Variants in GRIK4 observed in about 807,000 individuals in gnomAD.
The protein encoded by GRIK4 is glutamate ionotropic receptor kainate type subunit 4, also known as glutamate receptor ionotropic, kainate 4.
Under a neutral mutation model 104.9 loss-of-function variants are expected in GRIK4, and 40 were observed. The ratio of observed to expected loss-of-function variants is 0.38; its 90% confidence interval spans 0.30 to 0.50. The LOEUF (loss-of-function observed/expected upper bound fraction) is 0.50, where lower values mean the gene tolerates loss of function less well. GRIK4 is among the 20% of genes least tolerant of loss of function. The pLI is 0.93. For synonymous variants in GRIK4, 485 were observed against 524.9 expected, an observed-to-expected ratio of 0.92 and a Z score of 1.04; for missense variants, 1,047 against 1,308.1, an observed-to-expected ratio of 0.80 and a Z score of 3.08.
In GRIK4 at chr11:120,893,596, C is replaced by A. The variant is rs145277868; in HGVS notation, c.1165-4936C>A. 2.7e-3 allele frequency among the ~76,000 whole-genome samples: 406 copies of A among 152,328 alleles called. 1 individual carries two copies. The highest frequency in any genetic ancestry group is 0.013 in the South Asian group (62 of 4,828). On this transcript the variant is annotated intron_variant, in intron 11 of 20. Transcript: ENST00000527524. The stretch of plus-strand genomic sequence containing the variant: ...GATTAGTATGCATCACCTTCTAATG[C>A]CCAGCACAGAGCCCCTGTGAGTATG...
In GRIK4 at chr11:120,864,205, TTTTATTTATTTA is replaced by T. The variant is rs140150638; in HGVS notation, c.906+2125_906+2136del. On this transcript the variant is annotated intron_variant, in intron 9 of 20. Transcript: ENST00000527524. ...ACAGTTCTCATTCCAGTATTTTTATTTTTATTTATTTATTTATTTATTTATTTATTTATTTAT... is the reference window on the plus strand; with the variant it reads ...ACAGTTCTCATTCCAGTATTTTTATTTTTATTTATTTATTTATTTATTTAT... Among the ~76,000 whole-genome samples the T allele has an allele frequency of 6.0e-3, 833 of 137,770 alleles. 5 individuals carry two copies. The highest frequency in any genetic ancestry group is 0.029 in the South Asian group (118 of 4,054). The allele number at this position is 137,770 out of a possible 152,430, so 90.4% of individuals were successfully genotyped here. A position where few individuals can be genotyped will look rare whatever the true frequency, so the allele number is the denominator to read the frequency against.
chr11:120,857,964 C>T (rs945458939), intron 8 of GRIK4, among the ~76,000 whole-genome samples: 1 of 152,226 alleles, frequency 6.6e-6, no homozygotes, highest in African/African-American at 2.4e-5. Context: ...GTCTCTGCCC[C>T]ACCACTTGGC....
chr11:120,849,003 G>A (rs575227243), intron 8 of GRIK4, among the ~76,000 whole-genome samples: 5 of 152,236 alleles, frequency 3.3e-5, no homozygotes, highest in South Asian at 2.1e-4. Flanking sequence ...TCTTTGCTTC[G>A]GAGGAACCAA....
chr11:120,745,328 A>C (rs552837583), intron 3 of GRIK4, among the ~76,000 whole-genome samples: 2 of 152,132 alleles, frequency 1.3e-5, no homozygotes, highest in Non-Finnish European at 2.9e-5. Flanking sequence ...TAAATCTATA[A>C]ATTTTTTTTT....
chr11:120,915,066 A>T (rs556477318), intron 13 of GRIK4, among the ~76,000 whole-genome samples: 141 of 152,184 alleles, frequency 9.3e-4, no homozygotes, highest in African/African-American at 3.2e-3. Flanking sequence ...TTCTCAGGGG[A>T]GAAGGGATTG....
chr11:120,873,010 G>A (rs79011407), intron 9 of GRIK4: 5,599 of 152,562 alleles, frequency 0.037, 279 homozygotes, highest in African/African-American at 0.12. Context: ...CCACACGACA[G>A]GCCCCATGAC....
chr11:120,586,956 C>T (rs1948673665), intron 1 of GRIK4, among the ~76,000 whole-genome samples: 1 of 152,186 alleles, frequency 6.6e-6, no homozygotes, highest in East Asian at 1.9e-4. Flanking sequence ...TAATCAGACC[C>T]TGTCAGGAAT....
chr11:120,511,770 G>A lies in GRIK4; in HGVS notation c.-276G>A. On this transcript the variant is annotated 5_prime_UTR_variant, in exon 1 of 21. Transcript: ENST00000527524. Reference sequence around the variant, plus strand: ...CACAGACTGCCTTCAGCTGCGGGCGGATCGGGCTGGAGCCGCCACGGCTGC... The same window carrying A: ...CACAGACTGCCTTCAGCTGCGGGCGAATCGGGCTGGAGCCGCCACGGCTGC... 5.8e-6 allele frequency: 2 copies of A among 342,794 alleles called. No homozygotes were observed. The highest frequency in any genetic ancestry group is 4.0e-5 in the South Asian group (2 of 50,264). 21.2% of individuals were successfully genotyped at this position (342,794 alleles called of 1,614,324 possible).
At chr11:120,709,830 C>T (rs1197388307) in intron 3 of GRIK4, among the ~76,000 whole-genome samples, 3 of 152,124 alleles carry the variant, frequency 2.0e-5, no homozygotes, top group Non-Finnish European at 4.4e-5. Flanking sequence ...AGACAGAGTC[C>T]TGGACAAGGA....
intron 1 of GRIK4, among the ~76,000 whole-genome samples, chr11:120,606,730 G>A (rs73590034): frequency 0.04 from 6,085 of 152,288 alleles, 348 homozygotes; most frequent in African/African-American, 0.13. Context: ...GTTCTCCCAC[G>A]GAGGTGACTG....
At chr11:120,824,451 C>A (rs1201859411) in intron 6 of GRIK4, among the ~76,000 whole-genome samples, 1 of 152,176 alleles carries the variant, frequency 6.6e-6, no homozygotes, top group Non-Finnish European at 1.5e-5. Flanking sequence ...CTGTTGACCT[C>A]AGGCTGGGCC....
At chr11:120,664,687 G>T (rs1360455906) in intron 3 of GRIK4, among the ~76,000 whole-genome samples, 1 of 152,226 alleles carries the variant, frequency 6.6e-6, no homozygotes, top group Non-Finnish European at 1.5e-5. Context: ...TAAATACATT[G>T]TGTTCTGCTG....
At chr11:120,560,086 A>G (rs758484971) in intron 1 of GRIK4, among the ~76,000 whole-genome samples, 3 of 151,256 alleles carry the variant, frequency 2.0e-5, no homozygotes, top group Admixed American at 1.3e-4. Flanking sequence ...GTCTCACTCT[A>G]TTGCCCAGGC....
At chr11:120,531,766 G>T (rs1947926340) in intron 1 of GRIK4, among the ~76,000 whole-genome samples, 1 of 152,000 alleles carries the variant, frequency 6.6e-6, no homozygotes, top group Admixed American at 6.6e-5. Context: ...AGTAGAGACG[G>T]GTTTTCACCA....
At chr11:120,900,345 C>T (rs1443394360) in intron 12 of GRIK4, among the ~76,000 whole-genome samples, 1 of 152,196 alleles carries the variant, frequency 6.6e-6, no homozygotes, top group Non-Finnish European at 1.5e-5. Context: ...CTAAGTTTCC[C>T]TTCACTGTGA....
At chr11:120,815,791 C>T (rs1490444226) in intron 5 of GRIK4, among the ~76,000 whole-genome samples, 2 of 152,104 alleles carry the variant, frequency 1.3e-5, no homozygotes, top group East Asian at 1.9e-4. Context: ...GGCTGATGGG[C>T]ATGGCAGGCC....
At chr11:120,917,285 GAAAGAAAGAAA>G (rs1455537448) in intron 13 of GRIK4, among the ~76,000 whole-genome samples, 125 of 125,690 alleles carry the variant, frequency 9.9e-4, no homozygotes, top group African/African-American at 3.0e-3. Flanking sequence ...AAGAAAGAAA[GAAAGAAAGAAA>G]AAAGAAAGAA....
At chr11:120,512,631 T>G (rs1591665983) in intron 1 of GRIK4, among the ~76,000 whole-genome samples, 1 of 133,156 alleles carries the variant, frequency 7.5e-6, no homozygotes, top group African/African-American at 2.8e-5. Flanking sequence ...AATGGGCGCG[T>G]GATGGGGGAG....
rs181436880 is a variant in GRIK4, at chr11:120,672,166, C to A, written c.82+11766C>A. Among the ~76,000 whole-genome samples the A allele has an allele frequency of 3.1e-4, 47 of 152,252 alleles. 1 individual carries two copies. The highest frequency in any genetic ancestry group is 2.5e-3 in the Admixed American group (39 of 15,298). On this transcript the variant is annotated intron_variant, in intron 3 of 20. Transcript: ENST00000527524. Reference sequence around the variant, plus strand: ...GGCACAGTGGCTCACGCCTGTAATCCCAGCACTTTGGGTGGCTGAGGCAGG... The same window carrying A: ...GGCACAGTGGCTCACGCCTGTAATCACAGCACTTTGGGTGGCTGAGGCAGG...
Sources: gnomAD v4.1 joint callset for allele counts (sites outside exome capture counted in the v4.1 genomes callset) on GRCh38, gnomAD v4.1.1 for gene constraint, MANE v1.5 for transcripts, NCBI Gene and HGNC (gene_info 2026-07-23, HGNC 2026-07-21) for gene names.